Variants in CDH12 observed in about 807,000 individuals in gnomAD.
CDH12 encodes cadherin-12.
CDH12 carries 41 observed loss-of-function variants against 74.1 expected under a neutral mutation model. The observed-to-expected ratio is 0.55, with a 90% CI of 0.43 to 0.72. The LOEUF (loss-of-function observed/expected upper bound fraction) is 0.72. Among genes scored for constraint, CDH12 ranks in the 30% least tolerant of loss-of-function variants. CDH12 has a pLI of 0.00. For synonymous variants in CDH12, 399 were observed against 355.0 expected (o/e 1.12, Z -1.39); for missense variants, 945 against 977.2 (o/e 0.97, Z 0.44).
At chr5:22,337,030 G>A (rs538665053) in intron 3 of CDH12, among the ~76,000 whole-genome samples, 2 of 152,338 alleles carry the variant, frequency 1.3e-5, no homozygotes, top group East Asian at 1.9e-4. Context: ...TCTTGCATAA[G>A]TGTGACCTGA....
At chr5:21,864,754 C>T (rs369024071) in intron 6 of CDH12, among the ~76,000 whole-genome samples, 12 of 152,100 alleles carry the variant, frequency 7.9e-5, no homozygotes, top group African/African-American at 2.9e-4. Context: ...ACCTAGATCA[C>T]CATGAACACA....
intron 4 of CDH12, among the ~76,000 whole-genome samples, chr5:22,129,819 A>C (rs1335545034): frequency 1.3e-5 from 2 of 152,054 alleles, no homozygotes; most frequent in Non-Finnish European, 2.9e-5. Flanking sequence ...CAGAAAGCAA[A>C]AGTAGGGCAT....
chr5:21,949,570 C>A (rs924294433), intron 6 of CDH12, among the ~76,000 whole-genome samples: 3 of 151,910 alleles, frequency 2.0e-5, no homozygotes, highest in East Asian at 1.9e-4. Flanking sequence ...GCATTATTGG[C>A]CTAGAGGAGC....
At chr5:22,192,130 C>T (rs1043541804) in intron 4 of CDH12, among the ~76,000 whole-genome samples, 1 of 151,922 alleles carries the variant, frequency 6.6e-6, no homozygotes, top group Non-Finnish European at 1.5e-5. Flanking sequence ...GACAAGGCTT[C>T]ACCATGTTGG....
intron 5 of CDH12, among the ~76,000 whole-genome samples, chr5:22,045,969 G>A (rs1490699018): frequency 6.6e-6 from 1 of 152,044 alleles, no homozygotes; most frequent in Non-Finnish European, 1.5e-5. Context: ...TTTGATCATT[G>A]CACAATATAT....
At chr5:22,818,060 A>G (rs1217838971) in intron 1 of CDH12, among the ~76,000 whole-genome samples, 1 of 152,184 alleles carries the variant, frequency 6.6e-6, no homozygotes, top group Non-Finnish European at 1.5e-5. Flanking sequence ...GCAGCAAAGC[A>G]TGGCATACAT....
chr5:22,441,280 T>C (rs970197251), intron 2 of CDH12, among the ~76,000 whole-genome samples: 2 of 152,330 alleles, frequency 1.3e-5, no homozygotes, highest in East Asian at 1.9e-4. Context: ...AGGTAACTGA[T>C]AGCACAAGCC....
intron 6 of CDH12, among the ~76,000 whole-genome samples, chr5:21,950,163 T>A (rs573714399): frequency 6.6e-6 from 1 of 152,284 alleles, no homozygotes; most frequent in Admixed American, 6.5e-5. Flanking sequence ...CACAGTAACA[T>A]GCTGTATAGG....
chr5:22,217,324 T>C (rs1751841035), intron 3 of CDH12, among the ~76,000 whole-genome samples: 1 of 151,798 alleles, frequency 6.6e-6, no homozygotes, highest in Non-Finnish European at 1.5e-5. Flanking sequence ...ATCAGTAAAA[T>C]TAATGTAAAG....
chr5:22,018,359 A>G lies in CDH12; in HGVS notation c.232-42974T>C, dbSNP rs193117373. 8.8e-4 allele frequency among the ~76,000 whole-genome samples: 134 copies of G among 151,862 alleles called. 1 individual carries two copies. Among genetic ancestry groups the G allele is most frequent in the African/African-American group, 3.1e-3 (126 of 41,114 alleles). On this transcript the variant is annotated intron_variant, in intron 5 of 14. Transcript: ENST00000382254. ...AACACTTTGTACTATTAAATCTTAAAATCTGTAAGAAAGGTTATGTGATCT... is the reference window on the plus strand; with the variant it reads ...AACACTTTGTACTATTAAATCTTAAGATCTGTAAGAAAGGTTATGTGATCT...
intron 4 of CDH12, among the ~76,000 whole-genome samples, chr5:22,135,914 C>T (rs908482697): frequency 6.6e-6 from 1 of 151,882 alleles, no homozygotes; most frequent in East Asian, 1.9e-4. Flanking sequence ...CTTTTTGCCC[C>T]TGCCCTCTTG....
intron 6 of CDH12, among the ~76,000 whole-genome samples, chr5:21,912,499 G>A (rs1289220081): frequency 6.6e-6 from 1 of 152,138 alleles, no homozygotes; most frequent in Non-Finnish European, 1.5e-5. Flanking sequence ...TAGAAAGGCT[G>A]TCAGCCACTA....
chr5:21,786,257 G>A (rs1157232952), intron 10 of CDH12, among the ~76,000 whole-genome samples: 4 of 152,096 alleles, frequency 2.6e-5, no homozygotes, highest in African/African-American at 7.2e-5. Flanking sequence ...AGGTTCAAGC[G>A]ATTCTCCTGC....
intron 2 of CDH12, among the ~76,000 whole-genome samples, chr5:22,417,610 T>G (rs1209186208): frequency 6.6e-6 from 1 of 152,212 alleles, no homozygotes; most frequent in East Asian, 1.9e-4. Context: ...TATTTTGTTA[T>G]AGTGGCACCA....
chr5:22,811,002 T>C (rs1561047883), intron 1 of CDH12, among the ~76,000 whole-genome samples: 1 of 151,830 alleles, frequency 6.6e-6, no homozygotes, highest in Non-Finnish European at 1.5e-5. Context: ...CATACACATA[T>C]AGACATACAC....
intron 2 of CDH12, among the ~76,000 whole-genome samples, chr5:22,433,096 T>C (rs2126524523): frequency 6.6e-6 from 1 of 152,274 alleles, no homozygotes; most frequent in South Asian, 2.1e-4. Flanking sequence ...TGTGAAACCA[T>C]GGGACCCAGA....
chr5:21,753,093 G>A lies in CDH12; in HGVS notation c.1886-857C>T, dbSNP rs77903683. The stretch of plus-strand genomic sequence containing the variant: ...ATGAATAGGCACAGATACAAATGAC[G>A]ACGTCAGTGCTCAGCTTTTCTTGTC... On this transcript the variant is annotated intron_variant, in intron 14 of 14. Transcript: ENST00000382254. Among the ~76,000 whole-genome samples the A allele has an allele frequency of 6.8e-3, 1,031 of 152,172 alleles. 17 individuals carry two copies. The highest frequency in any genetic ancestry group is 0.023 in the African/African-American group (962 of 41,516).
chr5:22,427,478 T>A (rs1743989412), intron 2 of CDH12, among the ~76,000 whole-genome samples: 1 of 152,144 alleles, frequency 6.6e-6, no homozygotes, highest in African/African-American at 2.4e-5. Flanking sequence ...AAGGAATACT[T>A]TTTATCTGAA....
At chr5:22,368,490 G>A (rs1354884369) in intron 3 of CDH12, among the ~76,000 whole-genome samples, 1 of 141,244 alleles carries the variant, frequency 7.1e-6, no homozygotes, top group Admixed American at 7.4e-5. Context: ...TTTTTGCAGA[G>A]ACAGGGTTTC....
Sources: gnomAD v4.1 joint callset for allele counts (sites outside exome capture counted in the v4.1 genomes callset) on GRCh38, gnomAD v4.1.1 for gene constraint, MANE v1.5 for transcripts, NCBI Gene and HGNC (gene_info 2026-07-23, HGNC 2026-07-21) for gene names.